Variants in LDHAL6A observed in about 807,000 individuals in gnomAD.
LDHAL6A encodes lactate dehydrogenase A like 6A.
Under a neutral mutation model 28.2 loss-of-function variants are expected in LDHAL6A, and 19 were observed. The ratio of observed to expected loss-of-function variants is 0.67; its 90% CI spans 0.47 to 0.99. LDHAL6A has a LOEUF of 0.99. Among genes scored for constraint, LDHAL6A ranks in the 50% least tolerant of loss-of-function variants. The pLI, the probability that LDHAL6A is intolerant of heterozygous loss-of-function variation, is 0.00. For synonymous variants in LDHAL6A, 144 were observed against 134.4 expected (o/e 1.07, Z -0.49); for missense variants, 372 against 398.6 (o/e 0.93, Z 0.57).
At chr11:18,460,387 T>C (rs1186074796) in intron 1 of LDHAL6A, among the ~76,000 whole-genome samples, 1 of 150,324 alleles carries the variant, frequency 6.7e-6, no homozygotes, top group African/African-American at 2.5e-5. Flanking sequence ...AGGTCAGGAG[T>C]TTGAGACCAG....
chr11:18,469,953 G>C (rs1849217407), intron 3 of LDHAL6A, among the ~76,000 whole-genome samples: 1 of 151,334 alleles, frequency 6.6e-6, no homozygotes, highest in Non-Finnish European at 1.5e-5. Context: ...TTTTGAGACA[G>C]AGTCTCTGTC....
chr11:18,463,817 C>T, intron 1 of LDHAL6A, 144 bp from the exon 2 acceptor site: 1 of 586,548 alleles, frequency 1.7e-6, no homozygotes, highest in African/African-American at 1.9e-5. Context: ...TATATCATGA[C>T]AAAATGATGA....
At chr11:18,461,431 C>T (rs1258405162) in intron 1 of LDHAL6A, among the ~76,000 whole-genome samples, 1 of 152,138 alleles carries the variant, frequency 6.6e-6, no homozygotes, top group Non-Finnish European at 1.5e-5. Flanking sequence ...GCGTGAGCCA[C>T]CATGTCCCAC....
intron 3 of LDHAL6A, among the ~76,000 whole-genome samples, chr11:18,467,791 G>C (rs1179352879): frequency 6.7e-6 from 1 of 148,284 alleles, no homozygotes; most frequent in Non-Finnish European, 1.5e-5. Flanking sequence ...CCAGGAGGCA[G>C]AGGCTGCAGT....
At chr11:18,467,197 G>A (rs2133874914) in intron 3 of LDHAL6A, among the ~76,000 whole-genome samples, 1 of 152,306 alleles carries the variant, frequency 6.6e-6, no homozygotes, top group Non-Finnish European at 1.5e-5. Flanking sequence ...GACCAACAGT[G>A]AGTGCATGAT....
At position 18,456,570 on chromosome 11, in the gene LDHAL6A, C is replaced by A. The variant is rs1848761879; in HGVS notation, c.-111C>A. 16 of 916,632 alleles carry A rather than the reference C, an allele frequency of 1.7e-5. No homozygotes were observed. The South Asian group carries it at 2.3e-4, about 13-fold the overall frequency. 56.8% of individuals were successfully genotyped at this position (916,632 alleles called of 1,614,324 possible). ...CTGCAGCACCTCCTTCCACACGGGC[C>A]CAGGAGTTCTCTATACGCGCTCTCA... On this transcript the variant is annotated 5_prime_UTR_variant, in exon 1 of 7. Transcript: ENST00000280706.
At chr11:18,476,611 T>A (rs1269971142) in intron 5 of LDHAL6A, 110 bp downstream of exon 5, 2 of 1,477,038 alleles carry the variant, frequency 1.4e-6, no homozygotes, top group East Asian at 4.8e-5. Flanking sequence ...CCCATATTTT[T>A]ATTTGCACTT....
chr11:18,465,584 A>T, intron 2 of LDHAL6A, 53 bp from the exon 3 acceptor site: 1 of 1,480,156 alleles, frequency 6.8e-7, no homozygotes, highest in Non-Finnish European at 9.3e-7. Context: ...AAGTATACTT[A>T]AATGCCAGAT....
intron 3 of LDHAL6A, among the ~76,000 whole-genome samples, chr11:18,468,016 T>C (rs113156335): frequency 1.5e-5 from 1 of 65,868 alleles, no homozygotes; most frequent in African/African-American, 6.2e-5. Context: ...TATATATACA[T>C]ATATATACGT....
In LDHAL6A at chr11:18,479,064, C is replaced by CA. The variant is rs1849471520; in HGVS notation, c.*195dup. 1.5e-5 allele frequency: 7 copies of CA among 465,210 alleles called. No individual in the cohort carries two copies. The highest frequency in any genetic ancestry group is 2.7e-5 in the Non-Finnish European group (7 of 263,308). 28.8% of individuals were successfully genotyped at this position (465,210 alleles called of 1,614,324 possible). On this transcript the variant is annotated 3_prime_UTR_variant, in exon 7 of 7. Transcript: ENST00000280706. ...TCATTCTGTCACCCAGGCTGGAGTG[C>CA]AGTGGCACAATCATGGCTCACTGCA...
At chr11:18,459,947 CAT>C (rs1848855173) in intron 1 of LDHAL6A, among the ~76,000 whole-genome samples, 2 of 152,110 alleles carry the variant, frequency 1.3e-5, no homozygotes, top group South Asian at 2.1e-4. Context: ...GGGAGGAAGA[CAT>C]AGGAATAAAG....
intron 2 of LDHAL6A, among the ~76,000 whole-genome samples, chr11:18,464,987 G>GTTTTTTTT (rs1449560278): frequency 8.6e-5 from 9 of 104,348 alleles, no homozygotes; most frequent in African/African-American, 2.3e-4. Flanking sequence ...GTTTTTTTTT[G>GTTTTTTTT]TTTTGTTTTG....
intron 3 of LDHAL6A, among the ~76,000 whole-genome samples, chr11:18,466,456 T>C (rs2698570): frequency 0.99 from 150,750 of 152,076 alleles, 74,738 homozygotes; most frequent in Middle Eastern, 1. Context: ...AGTTTGAGAA[T>C]GGCCTGGGCA....
chr11:18,478,744 C>G lies in LDHAL6A; in HGVS notation c.873C>G (p.Val291=), dbSNP rs769848149. ...YGINEDIFLS[V]PCILGENGIT... The stretch of plus-strand genomic sequence containing the variant: ...TAAATGAAGACATATTCCTTAGTGT[C>G]CCATGTATCCTGGGAGAGAATGGTA... Residue 291 remains valine, a synonymous_variant, in exon 7 of 7, where the codon GTC becomes GTG. Coordinates refer to ENST00000280706, the MANE Select transcript of LDHAL6A (RefSeq NM_144972.5). The G allele has an allele frequency of 6.2e-7, 1 of 1,612,610 alleles. No homozygotes were observed. The highest frequency in any genetic ancestry group is 2.2e-5 in the East Asian group (1 of 44,860).
intron 6 of LDHAL6A, among the ~76,000 whole-genome samples, chr11:18,478,286 G>A (rs1286628508): frequency 1.3e-5 from 2 of 152,210 alleles, no homozygotes; most frequent in East Asian, 3.8e-4. Flanking sequence ...GTGGTATGGA[G>A]TAAGGAGATG....
chr11:18,457,625 G>T (rs559391274), intron 1 of LDHAL6A, among the ~76,000 whole-genome samples: 2 of 152,162 alleles, frequency 1.3e-5, no homozygotes, highest in South Asian at 4.2e-4. Flanking sequence ...GATTCATTTT[G>T]TCCTACCTAT....
At position 18,474,343 on chromosome 11, in the gene LDHAL6A, C is replaced by T. The variant is rs534253213; in HGVS notation, c.419-1123C>T. Among the ~76,000 whole-genome samples, 6 of 151,900 alleles carry T rather than the reference C, an allele frequency of 3.9e-5. No homozygotes were observed. In the South Asian group the frequency reaches 1.3e-3, roughly 32 times the overall value. ...CCACCCGCCTCGGCCTCCCAAAATG[C>T]TGGGATTACAGGCGTGAGTCACCAC... On this transcript the variant is annotated intron_variant, in intron 3 of 6. Transcript: ENST00000280706.
At chr11:18,457,634 A>G (rs1848791521) in intron 1 of LDHAL6A, among the ~76,000 whole-genome samples, 2 of 152,098 alleles carry the variant, frequency 1.3e-5, no homozygotes, top group Non-Finnish European at 2.9e-5. Context: ...TGTCCTACCT[A>G]TTGTAATGCC....
intron 3 of LDHAL6A, among the ~76,000 whole-genome samples, chr11:18,468,112 A>G (rs1849168036): frequency 7.1e-6 from 1 of 140,754 alleles, no homozygotes; most frequent in Non-Finnish European, 1.5e-5. Context: ...TTTCCATATG[A>G]ATTTATGTAT....
Sources: gnomAD v4.1 joint callset for allele counts (sites outside exome capture counted in the v4.1 genomes callset) on GRCh38, gnomAD v4.1.1 for gene constraint, MANE v1.5 for transcripts, NCBI Gene and HGNC (gene_info 2026-07-23, HGNC 2026-07-21) for gene names.